Variants in ZFP91 observed in about 807,000 individuals in gnomAD.
ZFP91 encodes ZFP91 zinc finger protein, atypical E3 ubiquitin ligase.
ZFP91 carries 7 observed loss-of-function variants against 63.5 expected under a neutral mutation model. The ratio of observed to expected loss-of-function variants is 0.11; its 90% CI spans 0.06 to 0.21. The LOEUF (loss-of-function observed/expected upper bound fraction) is 0.21, where lower values mean the gene tolerates loss of function less well. Among genes scored for constraint, ZFP91 ranks in the 10% least tolerant of loss-of-function variants. The pLI is 1.00. For synonymous variants in ZFP91, 330 were observed against 272.1 expected (o/e 1.21, Z -2.10); for missense variants, 628 against 736.6 (o/e 0.85, Z 1.71).
Position 58,617,190 on chromosome 11 carries a change from CCTT to C in ZFP91, c.1203-5_1203-3del, listed in dbSNP as rs2134426690. On this transcript the variant is annotated splice_region_variant and splice_polypyrimidine_tract_variant and intron_variant, in intron 10 of 10. Coordinates refer to ENST00000316059, the MANE Select transcript of ZFP91 (RefSeq NM_053023.5). The surrounding 1 kb of genome is among the most constrained non-coding windows in gnomAD (Gnocchi z 4.2). ...GATCAGCCATTTCCTTTTCTCCTCTCCTTAGATGTGAGATCTGTGGATTTACTT... is the reference window on the plus strand; with the variant it reads ...GATCAGCCATTTCCTTTTCTCCTCTCAGATGTGAGATCTGTGGATTTACTT... 1 of 1,574,374 alleles carries C rather than the reference CCTT, an allele frequency of 6.4e-7. No homozygotes were observed.
chr11:58,619,763 T>C lies in ZFP91; in HGVS notation c.*2057T>C, dbSNP rs1855815936. 1 of 152,648 alleles carries C rather than the reference T, an allele frequency of 6.6e-6. No homozygotes were observed. Among genetic ancestry groups the C allele is most frequent in the African/African-American group, 2.4e-5 (1 of 41,446 alleles). The allele number at this position is 152,648 out of a possible 1,614,324, so 9.5% of individuals were successfully genotyped here. A position where few individuals can be genotyped will look rare whatever the true frequency, so the allele number is the denominator to read the frequency against. On this transcript the variant is annotated 3_prime_UTR_variant, in exon 11 of 11. Transcript: ENST00000316059. ...GAATAAAGATAGAAGGGATGTAGAATATGCTTTCCTGCCAACATGGTTTGG... is the reference window on the plus strand; with the variant it reads ...GAATAAAGATAGAAGGGATGTAGAACATGCTTTCCTGCCAACATGGTTTGG...
In ZFP91 at chr11:58,621,530, A is replaced by G. The variant is rs1370125985; in HGVS notation, c.*3824A>G. 6.6e-6 allele frequency among the ~76,000 whole-genome samples: 1 copy of G among 152,150 alleles called. No homozygotes were observed. Among genetic ancestry groups the G allele is most frequent in the Admixed American group, 6.5e-5 (1 of 15,270 alleles). On this transcript the variant is annotated 3_prime_UTR_variant, in exon 11 of 11. Transcript: ENST00000316059. Reference sequence around the variant, plus strand: ...CATCTCCCATTTATTGTTTACTTTTATAAATTTGCTTCTAAGATGGTATGT... The same window carrying G: ...CATCTCCCATTTATTGTTTACTTTTGTAAATTTGCTTCTAAGATGGTATGT...
rs981980636 is a variant in ZFP91 at position 58,596,473 on chromosome 11, A to G, written c.370+11589A>G. Among the ~76,000 whole-genome samples the G allele has an allele frequency of 2.0e-5, 3 of 152,374 alleles. No individual in the cohort carries two copies. In the South Asian group the frequency reaches 6.2e-4, roughly 32 times the overall value. ...CCTGTCATAAAAGGAAGTCAAAAGC[A>G]GTCTTGAATAATTGGAACCTTTCTG... On this transcript the variant is annotated intron_variant, in intron 2 of 10. Transcript: ENST00000316059.
In ZFP91 at chr11:58,617,158, T is replaced by G. The variant is rs375021868; in HGVS notation, c.1203-38T>G. 1.3e-6 allele frequency: 2 copies of G among 1,532,016 alleles called. No homozygotes were observed. Among genetic ancestry groups the G allele is most frequent in the Non-Finnish European group, 1.7e-6 (2 of 1,144,806 alleles). 94.9% of individuals were successfully genotyped at this position (1,532,016 alleles called of 1,614,324 possible). A position where few individuals can be genotyped will look rare whatever the true frequency, so the allele number is the denominator to read the frequency against. ...CCTGAATAAGAGCACTCTTTATTTCTCTGTTGGATCAGCCATTTCCTTTTC... is the reference window on the plus strand; with the variant it reads ...CCTGAATAAGAGCACTCTTTATTTCGCTGTTGGATCAGCCATTTCCTTTTC... On this transcript the variant is annotated intron_variant, in intron 10 of 10. Coordinates refer to ENST00000316059, the MANE Select transcript of ZFP91 (RefSeq NM_053023.5). The surrounding 1 kb of genome is among the most constrained non-coding windows in gnomAD (Gnocchi z 4.2).
Position 58,588,688 on chromosome 11 carries a change from TC to T in ZFP91, c.370+3806del, listed in dbSNP as rs1193930528. On this transcript the variant is annotated intron_variant, in intron 2 of 10. Coordinates refer to ENST00000316059, the MANE Select transcript of ZFP91 (RefSeq NM_053023.5). ...CAATATAACATTGACTGTTTTTACT[TC>T]CTTTACAGATGTGTCTGTTTTATAG... is the stretch of plus-strand genomic sequence containing the variant. Among the ~76,000 whole-genome samples the T allele has an allele frequency of 1.3e-4, 20 of 152,304 alleles. No individual in the cohort carries two copies. In the East Asian group the frequency reaches 3.9e-3, roughly 29 times the overall value.
Position 58,620,916 on chromosome 11 carries a change from G to A in ZFP91, c.*3210G>A, listed in dbSNP as rs1489445674. On this transcript the variant is annotated 3_prime_UTR_variant, in exon 11 of 11. Transcript: ENST00000316059. ...AGTTACCTGAATATAGGTTGAAAAG[G>A]TTATGTAAAAAGAAATTATAATAAA... is the stretch of plus-strand genomic sequence containing the variant. 1 of 152,532 alleles carries A rather than the reference G, an allele frequency of 6.6e-6. No individual in the cohort carries two copies. Among genetic ancestry groups the A allele is most frequent in the Non-Finnish European group, 1.5e-5 (1 of 68,006 alleles). 9.4% of individuals were successfully genotyped at this position (152,532 alleles called of 1,614,324 possible). A position where few individuals can be genotyped will look rare whatever the true frequency, so the allele number is the denominator to read the frequency against.
intron 1 of ZFP91, among the ~76,000 whole-genome samples, chr11:58,581,435 ACTGCAACCTCCGCCTC>A: frequency 6.6e-6 from 1 of 152,260 alleles, no homozygotes; most frequent in Non-Finnish European, 1.5e-5. Flanking sequence ...ATCTCTGCAC[ACTGCAACCTCCGCCTC>A]CTGGCTTCAA....
chr11:58,611,038 A>C lies in ZFP91; in HGVS notation c.706A>C (p.Lys236Gln). 1 of 1,613,194 alleles carries C rather than the reference A, an allele frequency of 6.2e-7. No individual in the cohort carries two copies. Among genetic ancestry groups the C allele is most frequent in the Admixed American group, 1.7e-5 (1 of 59,986 alleles). ...AGATGATCCAAGAGATGAGACCTACAAACCCCACTTAGAAAGGCATGTCTC... is the reference window on the plus strand; with the variant it reads ...AGATGATCCAAGAGATGAGACCTACCAACCCCACTTAGAAAGGCATGTCTC... ...FKDDPRDETY[K>Q]PHLERETPKP... Residue 236 changes from lysine (K) to glutamine (Q), a missense_variant, in exon 5 of 11, where the codon AAA becomes CAA. By Grantham distance (53) the Lys-to-Gln change is moderately conservative. Transcript: ENST00000316059.
At position 58,617,977 on chromosome 11, in the gene ZFP91, C is replaced by T. The variant is rs188999101; in HGVS notation, c.*271C>T. On this transcript the variant is annotated 3_prime_UTR_variant, in exon 11 of 11. Coordinates refer to ENST00000316059, the MANE Select transcript of ZFP91 (RefSeq NM_053023.5). This position sits in a 1 kb window ranked among gnomAD's most constrained non-coding sequence, Gnocchi z 4.2. ...CAGCTCTTAAAGTGAGGGTTATTCTCATACTCGGTTCCAGCCATCAGCAGA... is the reference window on the plus strand; with the variant it reads ...CAGCTCTTAAAGTGAGGGTTATTCTTATACTCGGTTCCAGCCATCAGCAGA... 2 of 325,880 alleles carry T rather than the reference C, an allele frequency of 6.1e-6. No individual in the cohort carries two copies. The highest frequency in any genetic ancestry group is 1.0e-4 in the East Asian group (2 of 19,150). 20.2% of individuals were successfully genotyped at this position (325,880 alleles called of 1,614,324 possible).
chr11:58,606,672 C>T (rs1384027199), intron 2 of ZFP91, among the ~76,000 whole-genome samples: 1 of 151,964 alleles, frequency 6.6e-6, no homozygotes, highest in South Asian at 2.1e-4. Context: ...TTGTTGCCAT[C>T]TTTATGTCCA....
intron 2 of ZFP91, among the ~76,000 whole-genome samples, chr11:58,588,100 G>A (rs145464739): frequency 1.7e-4 from 26 of 152,178 alleles, no homozygotes; most frequent in African/African-American, 6.0e-4. Context: ...AGAGCATTTC[G>A]TAAAACTGGA....
intron 9 of ZFP91, 81 bp from the exon 10 acceptor site, chr11:58,616,635 C>G: frequency 8.9e-7 from 1 of 1,121,310 alleles, no homozygotes; most frequent in Non-Finnish European, 1.3e-6. Context: ...ATTGCCTGCC[C>G]CATCATCTGC....
At chr11:58,600,036 GATTCA>G (rs1855467375) in intron 2 of ZFP91, among the ~76,000 whole-genome samples, 1 of 152,110 alleles carries the variant, frequency 6.6e-6, no homozygotes, top group Non-Finnish European at 1.5e-5. Context: ...TCAGTTAGTT[GATTCA>G]ATTATTATTA....
intron 9 of ZFP91, 82 bp downstream of exon 9, chr11:58,614,425 C>T: frequency 7.8e-6 from 8 of 1,029,092 alleles, no homozygotes; most frequent in African/African-American, 1.6e-5. Context: ...GTTTTTCTAA[C>T]ATAAGTCTTA....
At chr11:58,612,018 T>G (rs763995481) in intron 6 of ZFP91, 8 of 525,108 alleles carry the variant, frequency 1.5e-5, no homozygotes, top group African/African-American at 1.9e-5. Context: ...TACATTGAGA[T>G]TCTTCTAAGT....
At position 58,617,149 on chromosome 11, in the gene ZFP91, C is replaced by T; in HGVS notation, c.1203-47C>T. 1 of 1,521,660 alleles carries T rather than the reference C, an allele frequency of 6.6e-7. No homozygotes were observed. 94.3% of individuals were successfully genotyped at this position (1,521,660 alleles called of 1,614,324 possible). A position where few individuals can be genotyped will look rare whatever the true frequency, so the allele number is the denominator to read the frequency against. ...AACCCTGATCCTGAATAAGAGCACTCTTTATTTCTCTGTTGGATCAGCCAT... is the reference window on the plus strand; with the variant it reads ...AACCCTGATCCTGAATAAGAGCACTTTTTATTTCTCTGTTGGATCAGCCAT... On this transcript the variant is annotated intron_variant, in intron 10 of 10. Coordinates refer to ENST00000316059, the MANE Select transcript of ZFP91 (RefSeq NM_053023.5). This position sits in a 1 kb window ranked among gnomAD's most constrained non-coding sequence, Gnocchi z 4.2.
chr11:58,605,487 A>G (rs1227952679), intron 2 of ZFP91, among the ~76,000 whole-genome samples: 1 of 151,152 alleles, frequency 6.6e-6, no homozygotes, highest in Non-Finnish European at 1.5e-5. Context: ...TCTGTTTTTG[A>G]TTTTCTGGTA....
intron 8 of ZFP91, among the ~76,000 whole-genome samples, 160 bp downstream of exon 8, chr11:58,613,000 C>T (rs567821129): frequency 6.6e-6 from 1 of 152,192 alleles, no homozygotes; most frequent in South Asian, 2.1e-4. Flanking sequence ...CCCATTTATG[C>T]CTAGTGTTCC....
intron 2 of ZFP91, among the ~76,000 whole-genome samples, chr11:58,589,834 T>C (rs914975161): frequency 6.6e-6 from 1 of 152,204 alleles, no homozygotes; most frequent in Non-Finnish European, 1.5e-5. Flanking sequence ...TTCCTACAAA[T>C]AAAGATATAT....
Sources: gnomAD v4.1 joint callset for allele counts (sites outside exome capture counted in the v4.1 genomes callset) on GRCh38, gnomAD v4.1.1 for gene constraint, Gnocchi (gnomAD v3.1) non-coding constraint, MANE v1.5 for transcripts, NCBI Gene and HGNC (gene_info 2026-07-23, HGNC 2026-07-21) for gene names.